Variants in KCTD20 observed in about 807,000 individuals in gnomAD.
KCTD20 encodes the protein potassium channel tetramerization domain containing 20, also known as BTB/POZ domain-containing protein KCTD20.
KCTD20 carries 30 observed loss-of-function variants against 39.6 expected under a neutral mutation model. The observed-to-expected ratio is 0.76, with a 90% confidence interval of 0.57 to 1.03. The LOEUF is 1.03. Ranked by LOEUF, KCTD20 falls within the 50% of genes least tolerant of loss-of-function variation. The pLI, the probability that KCTD20 is intolerant of heterozygous loss-of-function variation, is 0.00. For missense variants in KCTD20, 422 were observed against 522.0 expected, an observed-to-expected ratio of 0.81 and a Z score of 1.87; for synonymous variants, 162 against 180.6, an observed-to-expected ratio of 0.90 and a Z score of 0.83.
chr6:36,463,812 GGCATTTTGT>G (rs1775667145), intron 1 of KCTD20, among the ~76,000 whole-genome samples: 1 of 152,108 alleles, frequency 6.6e-6, no homozygotes, highest in Admixed American at 6.6e-5. Context: ...CCCAGTCTCA[GGCATTTTGT>G]TTATAGCAGC....
chr6:36,444,123 C>T (rs1290103433), intron 1 of KCTD20, among the ~76,000 whole-genome samples: 2 of 152,158 alleles, frequency 1.3e-5, no homozygotes, highest in African/African-American at 2.4e-5. Context: ...TACCCTAGCA[C>T]CTCTTCCATA....
In KCTD20 at chr6:36,443,109, C is replaced by G. The variant is rs1774922405; in HGVS notation, c.-49C>G. 2 of 152,202 alleles carry G rather than the reference C, an allele frequency of 1.3e-5. No homozygotes were observed. Among genetic ancestry groups the G allele is most frequent in the South Asian group, 4.1e-4 (2 of 4,844 alleles). 9.4% of individuals were successfully genotyped at this position (152,202 alleles called of 1,614,324 possible). A position where few individuals can be genotyped will look rare whatever the true frequency, so the allele number is the denominator to read the frequency against. On this transcript the variant is annotated splice_region_variant and 5_prime_UTR_variant, in exon 1 of 8. Transcript: ENST00000373731. Reference sequence around the variant, plus strand: ...AGCGGGACAGCGCGGCGGGGAGCGACGAGTAAGTGGCGGCGCGGTACGGTT... The same window carrying G: ...AGCGGGACAGCGCGGCGGGGAGCGAGGAGTAAGTGGCGGCGCGGTACGGTT...
At chr6:36,465,589 A>T (rs1291314764) in intron 1 of KCTD20, 1 of 152,056 alleles carries the variant, frequency 6.6e-6, no homozygotes, top group African/African-American at 2.4e-5. Flanking sequence ...AAACCAGTAC[A>T]TTCTTTTTTA....
chr6:36,480,354 T>G (rs1303601966), intron 5 of KCTD20, among the ~76,000 whole-genome samples: 4 of 151,938 alleles, frequency 2.6e-5, no homozygotes, highest in Non-Finnish European at 5.9e-5. Flanking sequence ...GAGGAACAGT[T>G]CACTAATAAA....
rs562903104 is a variant in KCTD20, at chr6:36,490,110, T to C, written c.*2935T>C. 3 of 152,360 alleles carry C rather than the reference T, an allele frequency of 2.0e-5. No homozygotes were observed. The highest frequency in any genetic ancestry group is 3.9e-4 in the East Asian group (2 of 5,186). 9.4% of individuals were successfully genotyped at this position (152,360 alleles called of 1,614,324 possible). ...GTGGAATAAGCCCAGGAAGGTTAGA[T>C]GTGTTTGCAAATAAGTTGCCCAAAG... On this transcript the variant is annotated 3_prime_UTR_variant, in exon 8 of 8. Transcript: ENST00000373731.
Position 36,481,728 on chromosome 6 carries a change from C to CCCTCCACCAATGGGGGAGGAATATTCCCA in KCTD20, c.826_854dup (p.Gln285HisfsTer35), listed in dbSNP as rs1776257744. 6.2e-7 allele frequency: 1 copy of CCCTCCACCAATGGGGGAGGAATATTCCCA among 1,614,072 alleles called. No homozygotes were observed. Among genetic ancestry groups the CCCTCCACCAATGGGGGAGGAATATTCCCA allele is most frequent in the African/African-American group, 1.3e-5 (1 of 74,936 alleles). ...ATTCTGTGGACTGGGATGAAGACCA[C>CCCTCCACCAATGGGGGAGGAATATTCCCA]CCTCCACCAATGGGGGAGGAATATT... On this transcript the variant is annotated frameshift_variant, in exon 6 of 8. Transcript: ENST00000373731. LOFTEE classifies it high-confidence loss of function.
At chr6:36,448,728 A>G (rs1366087132) in intron 1 of KCTD20, among the ~76,000 whole-genome samples, 1 of 152,130 alleles carries the variant, frequency 6.6e-6, no homozygotes. Flanking sequence ...TATTCCTTCC[A>G]GTGGGTTCTT....
chr6:36,460,135 C>T (rs368586213), intron 1 of KCTD20, among the ~76,000 whole-genome samples: 12 of 152,100 alleles, frequency 7.9e-5, no homozygotes, highest in South Asian at 2.1e-4. Context: ...TTGTAGGAGT[C>T]GTGAGCTTTC....
intron 3 of KCTD20, among the ~76,000 whole-genome samples, chr6:36,475,874 A>G (rs1395014139): frequency 1.3e-5 from 2 of 152,180 alleles, no homozygotes; most frequent in Non-Finnish European, 2.9e-5. Flanking sequence ...CTATACTGTC[A>G]TTTTCTAATG....
At chr6:36,450,217 A>T (rs1022593124) in intron 1 of KCTD20, among the ~76,000 whole-genome samples, 28 of 146,674 alleles carry the variant, frequency 1.9e-4, no homozygotes, top group African/African-American at 7.1e-4. Flanking sequence ...GCCGGGTGCA[A>T]TGGCTCCTGC....
intron 6 of KCTD20, among the ~76,000 whole-genome samples, chr6:36,483,009 C>T (rs1776301202): frequency 6.7e-6 from 1 of 148,932 alleles, no homozygotes; most frequent in South Asian, 2.1e-4. Flanking sequence ...CCCAGCTACT[C>T]AGGAGGCTGA....
chr6:36,489,843 A>G lies in KCTD20; in HGVS notation c.*2668A>G, dbSNP rs1350053786. On this transcript the variant is annotated 3_prime_UTR_variant, in exon 8 of 8. Transcript: ENST00000373731. ...AGAATCTTGAGTTTGCATCTGCATC[A>G]TATCATGCTGTTTTGATGAGGAAAC... is the stretch of plus-strand genomic sequence containing the variant. 6.6e-6 allele frequency: 1 copy of G among 152,252 alleles called. No individual in the cohort carries two copies. Among genetic ancestry groups the G allele is most frequent in the Non-Finnish European group, 1.5e-5 (1 of 68,040 alleles). The allele number at this position is 152,252 out of a possible 1,614,324, so 9.4% of individuals were successfully genotyped here.
intron 1 of KCTD20, among the ~76,000 whole-genome samples, chr6:36,446,458 C>T (rs942773855): frequency 1.3e-5 from 2 of 152,158 alleles, no homozygotes; most frequent in African/African-American, 4.8e-5. Flanking sequence ...TAACTATTGT[C>T]CTTATCAAAC....
chr6:36,452,026 G>A (rs1775271900), intron 1 of KCTD20, among the ~76,000 whole-genome samples: 1 of 152,074 alleles, frequency 6.6e-6, no homozygotes, highest in Admixed American at 6.6e-5. Flanking sequence ...GACCGGGCTG[G>A]TCTCAAACTC....
At position 36,470,178 on chromosome 6, in the gene KCTD20, A is replaced by G; in HGVS notation, c.81A>G (p.Val27=). Residue 27 remains valine, a synonymous_variant, in exon 2 of 8, where the codon GTA becomes GTG. Transcript: ENST00000373731. Reference sequence around the variant, plus strand: ...GCTTAGTGGATGATACTTTAGCTGTAGCCCAAGAAAAAGAAGCAAACAGCC... The same window carrying G: ...GCTTAGTGGATGATACTTTAGCTGTGGCCCAAGAAAAAGAAGCAAACAGCC... ...ASCLVDDTLA[V]AQEKEANSLA... is the part of the protein sequence containing the mutation. 1.2e-6 allele frequency: 2 copies of G among 1,614,178 alleles called. No individual in the cohort carries two copies. The highest frequency in any genetic ancestry group is 8.5e-7 in the Non-Finnish European group (1 of 1,180,002).
intron 6 of KCTD20, among the ~76,000 whole-genome samples, chr6:36,483,449 A>C (rs867194090): frequency 6.6e-6 from 1 of 151,854 alleles, no homozygotes; most frequent in South Asian, 2.1e-4. Context: ...CTGACCTCAA[A>C]TGATCCACCC....
At chr6:36,478,950 G>C (rs556530184) in intron 3 of KCTD20, among the ~76,000 whole-genome samples, 171 bp from the exon 4 acceptor site, 1 of 152,282 alleles carries the variant, frequency 6.6e-6, no homozygotes, top group African/African-American at 2.4e-5. Context: ...TCTGAAGGGA[G>C]CTTCCTAAGA....
intron 1 of KCTD20, among the ~76,000 whole-genome samples, chr6:36,468,084 A>C (rs940214340): frequency 9.2e-5 from 14 of 152,280 alleles, no homozygotes; most frequent in Non-Finnish European, 1.6e-4. Flanking sequence ...TTTTTGCATT[A>C]TCTATAAGGT....
chr6:36,484,976 TTTTTC>T (rs1374074776), intron 7 of KCTD20, 152 bp downstream of exon 7: 7 of 590,790 alleles, frequency 1.2e-5, no homozygotes, highest in South Asian at 2.1e-5. Flanking sequence ...TTTTTCCTCA[TTTTTC>T]TTTTCATTTT....
Sources: allele counts gnomAD v4.1 joint callset (sites outside exome capture counted in the v4.1 genomes callset), GRCh38; gene constraint gnomAD v4.1.1; transcripts MANE v1.5; gene names NCBI Gene and HGNC (gene_info 2026-07-23, HGNC 2026-07-21).